The following SERPINB12 variants were observed in gnomAD, a reference collection of about 807,000 sequenced individuals.
The protein encoded by SERPINB12 is serpin B12.
Under a neutral mutation model 41.1 loss-of-function variants are expected in SERPINB12, and 57 were observed. That is an observed-to-expected ratio of 1.39 (90% confidence interval 1.12 to 1.73). The LOEUF is 1.73. SERPINB12 is among the 40% of genes most tolerant of loss of function. SERPINB12 has a pLI of 0.00. For synonymous variants in SERPINB12, 180 were observed against 181.3 expected (o/e 0.99, Z 0.06); for missense variants, 536 against 501.9 (o/e 1.07, Z -0.65).
chr18:63,531,532 T>C, the SERPINB12 span, among the ~76,000 whole-genome samples: 1 of 152,178 alleles, frequency 6.6e-6, no homozygotes, highest in African/African-American at 2.4e-5. Flanking sequence ...CCTCAGCAAG[T>C]CACTTCACCT....
intron 1 of SERPINB12, among the ~76,000 whole-genome samples, chr18:63,551,920 G>A (rs148476228): frequency 8.5e-5 from 13 of 152,274 alleles, no homozygotes; most frequent in African/African-American, 2.4e-4. Flanking sequence ...ATTGCTCACC[G>A]CACAGAGAGG....
intron 1 of SERPINB12, among the ~76,000 whole-genome samples, chr18:63,545,482 C>T (rs529836729): frequency 2.6e-5 from 4 of 152,282 alleles, no homozygotes; most frequent in East Asian, 1.9e-4. Context: ...ATTTCATCTT[C>T]GCTCATTGAG....
intron 3 of SERPINB12, among the ~76,000 whole-genome samples, chr18:63,559,050 CTT>C (rs754333928): frequency 1.1e-5 from 1 of 91,588 alleles, no homozygotes; most frequent in Non-Finnish European, 2.8e-5. Context: ...TTCTTTCTTT[CTT>C]TCTTTCTCTC....
chr18:63,525,400 A>G, the SERPINB12 span, among the ~76,000 whole-genome samples: 3 of 152,140 alleles, frequency 2.0e-5, no homozygotes, highest in Admixed American at 1.3e-4. Context: ...TTATTCTTAT[A>G]CCAACAGCTT....
chr18:63,525,654 T>C, the SERPINB12 span, among the ~76,000 whole-genome samples: 1 of 152,256 alleles, frequency 6.6e-6, no homozygotes, highest in South Asian at 2.1e-4. Flanking sequence ...ACATGAAAAG[T>C]TTATTTATAA....
At chr18:63,564,168 C>G in intron 6 of SERPINB12, 48 bp downstream of exon 6, 1 of 1,575,818 alleles carries the variant, frequency 6.3e-7, no homozygotes, top group Non-Finnish European at 8.6e-7. Flanking sequence ...CTCATAATTT[C>G]CACTAGGAAT....
the SERPINB12 span, among the ~76,000 whole-genome samples, chr18:63,533,204 CT>C: frequency 1.2e-4 from 19 of 152,252 alleles, no homozygotes; most frequent in East Asian, 3.3e-3. Flanking sequence ...TCTGGAACCC[CT>C]AACCTCGTGA....
intron 5 of SERPINB12, among the ~76,000 whole-genome samples, chr18:63,562,744 A>G (rs1416705332): frequency 6.6e-6 from 1 of 152,240 alleles, no homozygotes; most frequent in Non-Finnish European, 1.5e-5. Context: ...CTGGATATGT[A>G]CTTTCCCCTT....
chr18:63,532,311 A>G, the SERPINB12 span, among the ~76,000 whole-genome samples: 2 of 152,190 alleles, frequency 1.3e-5, no homozygotes, highest in Admixed American at 1.3e-4. Context: ...TAGATATTTT[A>G]ATGGTTGTCT....
chr18:63,559,602 G>A lies in SERPINB12; in HGVS notation c.328G>A (p.Gly110Arg), dbSNP rs138993761. ...GGCTGGGTCCTTAAACAATGAGAGC[G>A]GACTGGTCAGCTGCTACTTTGGGCA... ...QQAGSLNNES[G>R]LVSCYFGQLL... is the part of the protein sequence containing the mutation. The change falls in exon 4 of 8, where the codon GGA (glycine) becomes AGA (arginine). Residue 110 changes from glycine (G) to arginine (R), a missense_variant. Coordinates refer to ENST00000382768, the MANE Select transcript of SERPINB12 (RefSeq NM_001307928.2). 3.6e-5 allele frequency: 58 copies of A among 1,614,046 alleles called. 1 individual carries two copies. In the Middle Eastern group the frequency reaches 4.9e-4, roughly 14 times the overall value.
the SERPINB12 span, among the ~76,000 whole-genome samples, chr18:63,536,191 A>G: frequency 1.3e-5 from 2 of 151,924 alleles, no homozygotes; most frequent in Non-Finnish European, 1.5e-5. Flanking sequence ...TTCTTTCAAA[A>G]AATTCATAAA....
rs924553873 is a variant in SERPINB12 at position 63,567,392 on chromosome 18, C to T, written c.*381C>T. On this transcript the variant is annotated 3_prime_UTR_variant, in exon 8 of 8. Transcript: ENST00000382768. Reference sequence around the variant, plus strand: ...ATGGGCAGCAAGAGAACATGTTTGACTGGAACGTGTTTGGAAACTCAGCTC... The same window carrying T: ...ATGGGCAGCAAGAGAACATGTTTGATTGGAACGTGTTTGGAAACTCAGCTC... Among the ~76,000 whole-genome samples the T allele has an allele frequency of 6.6e-6, 1 of 152,164 alleles. No homozygotes were observed. The highest frequency in any genetic ancestry group is 2.4e-5 in the African/African-American group (1 of 41,430).
At chr18:63,547,272 T>C (rs1269658061) in intron 1 of SERPINB12, among the ~76,000 whole-genome samples, 2 of 152,164 alleles carry the variant, frequency 1.3e-5, no homozygotes, top group African/African-American at 4.8e-5. Context: ...ACTTGACATA[T>C]TGTATTTTAT....
intron 1 of SERPINB12, among the ~76,000 whole-genome samples, chr18:63,552,400 A>G (rs904993414): frequency 6.6e-6 from 1 of 152,340 alleles, no homozygotes; most frequent in Middle Eastern, 3.4e-3. Context: ...CAACAACATA[A>G]CATAACATGA....
the SERPINB12 span, among the ~76,000 whole-genome samples, chr18:63,525,278 A>G: frequency 6.6e-6 from 1 of 152,176 alleles, no homozygotes; most frequent in East Asian, 1.9e-4. Context: ...TCGAAAATAC[A>G]TCTTAGCTTT....
the SERPINB12 span, among the ~76,000 whole-genome samples, chr18:63,524,007 TA>T: frequency 1.3e-5 from 2 of 152,042 alleles, no homozygotes; most frequent in Non-Finnish European, 2.9e-5. Context: ...TTCTCAACCT[TA>T]AATAGGGAAA....
Position 63,566,955 on chromosome 18 carries a change from A to G in SERPINB12, c.1222A>G (p.Ile408Val), listed in dbSNP as rs1230451990. 1.1e-5 allele frequency: 18 copies of G among 1,612,820 alleles called. No individual in the cohort carries two copies. Among genetic ancestry groups the G allele is most frequent in the African/African-American group, 4.0e-5 (3 of 74,794 alleles). ...TGCCAACCACCCTTTTCTCTTTTTC[A>G]TTAGACACAACAAAACCCAAACCAT... ...FNANHPFLFF[I>V]RHNKTQTILF... is the part of the protein sequence containing the mutation. The change falls in exon 8 of 8, where the codon ATT becomes GTT. Residue 408 changes from isoleucine to valine, a missense_variant. Transcript: ENST00000382768.
upstream of SERPINB12, among the ~76,000 whole-genome samples, chr18:63,540,859 G>A (rs1473988208): frequency 1.3e-5 from 2 of 152,028 alleles, no homozygotes; most frequent in Non-Finnish European, 2.9e-5. Flanking sequence ...AAAATATGAA[G>A]AAGAAATATC....
At chr18:63,563,216 A>G (rs1910971328) in intron 5 of SERPINB12, among the ~76,000 whole-genome samples, 1 of 152,246 alleles carries the variant, frequency 6.6e-6, no homozygotes, top group South Asian at 2.1e-4. Flanking sequence ...GTTTTATATC[A>G]TGGTCTAGCA....
Sources: gnomAD v4.1 joint callset for allele counts (sites outside exome capture counted in the v4.1 genomes callset) on GRCh38, gnomAD v4.1.1 for gene constraint, MANE v1.5 for transcripts, NCBI Gene and HGNC (gene_info 2026-07-23, HGNC 2026-07-21) for gene names.